Variants in F5 observed in about 807,000 individuals in gnomAD.
F5 encodes coagulation factor V.
A neutral mutation model predicts 216.4 loss-of-function variants in F5; 138 were observed. The ratio of observed to expected loss-of-function variants is 0.64; its 90% confidence interval spans 0.56 to 0.73. F5 has a LOEUF of 0.73. Ranked by LOEUF, F5 falls within the 30% of genes least tolerant of loss-of-function variation. The probability of loss-of-function intolerance (pLI) is 0.00; values close to 1 mark genes in which losing one functional copy is unlikely to be tolerated. For missense variants in F5, 2,403 were observed against 2,674.0 expected (o/e 0.90, Z 2.24); for synonymous variants, 916 against 930.7 (o/e 0.98, Z 0.29).
In F5 at chr1:169,527,967, C is replaced by A; in HGVS notation, c.5547G>T (p.Leu1849Phe). ...GGTGCTGTTTATTGCCATTTTCCAG[C>A]AAGGTCTGGCCGTGAAAGTGAACCA... ...IHVVHFHGQT[L>F]LENGNKQHQL... Residue 1849 changes from leucine (L) to phenylalanine (F), a missense_variant, in exon 17 of 25, where the codon TTG (leucine) becomes TTT (phenylalanine). This residue lies in a region of F5 where 659 missense variants were observed against 787.9 expected (regional missense o/e 0.84). Coordinates refer to ENST00000367797, the MANE Select transcript of F5 (RefSeq NM_000130.5). 1.9e-6 allele frequency: 3 copies of A among 1,613,788 alleles called. No homozygotes were observed. Among genetic ancestry groups the A allele is most frequent in the South Asian group, 1.1e-5 (1 of 91,080 alleles).
intron 1 of F5, among the ~76,000 whole-genome samples, chr1:169,585,889 G>C (rs1661092910): frequency 6.6e-6 from 1 of 152,084 alleles, no homozygotes; most frequent in Admixed American, 6.6e-5. Context: ...TTGCAGGAAG[G>C]GCTAATGAGG....
At position 169,552,548 on chromosome 1, in the gene F5, G is replaced by A. The variant is rs1312836214; in HGVS notation, c.1296+9C>T. 5 of 1,609,796 alleles carry A rather than the reference G, an allele frequency of 3.1e-6. No homozygotes were observed. The highest frequency in any genetic ancestry group is 1.7e-4 in the Middle Eastern group (1 of 5,976). ...ATTTCTCCCATGATTCTGTATTTGT[G>A]TTACTTACTTTGAGTGTGTCTCTGA... On this transcript the variant is annotated intron_variant, in intron 8 of 24. Transcript: ENST00000367797.
chr1:169,541,307 T>C lies in F5; in HGVS notation c.3783A>G (p.Glu1261=). ...CTGGAGAAAGGTTTGTCTGACTGAG[T>C]TCTGGAGAGAGGTTTGTCTGGCTGA... ...LDLSQTNLSP[E]LSQTNLSPAL... Residue 1261 remains glutamate, a synonymous_variant, in exon 13 of 25, where the codon GAA becomes GAG. Coordinates refer to ENST00000367797, the MANE Select transcript of F5 (RefSeq NM_000130.5). The C allele has an allele frequency of 4.5e-6, 7 of 1,572,036 alleles. No homozygotes were observed. Among genetic ancestry groups the C allele is most frequent in the Non-Finnish European group, 6.1e-6 (7 of 1,154,424 alleles).
rs1183686727 is a variant in F5 at position 169,524,915 on chromosome 1, A to G, written c.5717-7T>C. On this transcript the variant is annotated splice_polypyrimidine_tract_variant and splice_region_variant and intron_variant, in intron 18 of 24. Coordinates refer to ENST00000367797, the MANE Select transcript of F5 (RefSeq NM_000130.5). The stretch of plus-strand genomic sequence containing the variant: ...CCCATTGGCATCCTACAGTCTATGA[A>G]AAACAGAAAAAAAATGAATAATTTT... 1.9e-6 allele frequency: 3 copies of G among 1,608,714 alleles called. No homozygotes were observed. In the Admixed American group the frequency reaches 5.0e-5, roughly 27 times the overall value.
chr1:169,528,220 T>C (rs913488621), intron 16 of F5, 126 bp from the exon 17 acceptor site: 2 of 1,206,462 alleles, frequency 1.7e-6, no homozygotes, highest in Non-Finnish European at 2.4e-6. Flanking sequence ...CAGGCCTACC[T>C]AGCCATGGAA....
In F5 at chr1:169,542,749, T is replaced by C. The variant is rs926592242; in HGVS notation, c.2341A>G (p.Ser781Gly). 25 of 1,613,988 alleles carry C rather than the reference T, an allele frequency of 1.5e-5. No individual in the cohort carries two copies. The highest frequency in any genetic ancestry group is 2.2e-5 in the East Asian group (1 of 44,896). ...IIVGSNYSSP[S>G]NISKFTVNNL... ...TTGACAGTGAACTTACTAATATTAC[T>C]TGGGGAAGAATAATTTGAACCAACA... Residue 781 changes from serine (S) to glycine (G), a missense_variant, in exon 13 of 25, where the codon AGT (serine) becomes GGT (glycine). Around this residue, in one of 4 missense-constraint regions of F5, gnomAD observed 1,425 missense variants for 1,554.8 expected, o/e 0.92. Transcript: ENST00000367797.
chr1:169,520,557 A>C lies in F5; in HGVS notation c.6156T>G (p.Pro2052=). Residue 2052 remains proline, a synonymous_variant, in exon 22 of 25, where the codon CCT becomes CCG. Transcript: ENST00000367797. ...RISPTRAYNR[P]TLRLELQGCE... ...AACCTTGCAGTTCCAATCGAAGGGT[A>C]GGTCTGTTATAGGCTCGAGTTGGAG... The C allele has an allele frequency of 6.2e-7, 1 of 1,614,066 alleles. No homozygotes were observed. The highest frequency in any genetic ancestry group is 8.5e-7 in the Non-Finnish European group (1 of 1,179,954).
At position 169,514,276 on chromosome 1, in the gene F5, T is replaced by TA; in HGVS notation, c.*36dup. ...GCCCATTCTAAATGGTTTGAGGTCT[T>TA]AAAGAGTCTCTTCCAGGGGTTTTTG... is the stretch of plus-strand genomic sequence containing the variant. On this transcript the variant is annotated 3_prime_UTR_variant, in exon 25 of 25. Coordinates refer to ENST00000367797, the MANE Select transcript of F5 (RefSeq NM_000130.5). 1 of 1,609,072 alleles carries TA rather than the reference T, an allele frequency of 6.2e-7. No homozygotes were observed. Among genetic ancestry groups the TA allele is most frequent in the Non-Finnish European group, 8.5e-7 (1 of 1,175,876 alleles).
rs558628625 is a variant in F5 at position 169,513,992 on chromosome 1, G to C, written c.*321C>G. On this transcript the variant is annotated 3_prime_UTR_variant, in exon 25 of 25. Coordinates refer to ENST00000367797, the MANE Select transcript of F5 (RefSeq NM_000130.5). ...ACTAGTGTGTAAAGGATTTAAAAGAGTTATAATGAAGCATTTTAACTACAT... is the reference window on the plus strand; with the variant it reads ...ACTAGTGTGTAAAGGATTTAAAAGACTTATAATGAAGCATTTTAACTACAT... Among the ~76,000 whole-genome samples the C allele has an allele frequency of 6.6e-6, 1 of 152,228 alleles. No individual in the cohort carries two copies. Among genetic ancestry groups the C allele is most frequent in the Admixed American group, 6.5e-5 (1 of 15,272 alleles).
chr1:169,523,420 T>C, intron 20 of F5, 68 bp from the exon 21 acceptor site: 1 of 1,572,278 alleles, frequency 6.4e-7, no homozygotes, highest in Non-Finnish European at 8.7e-7. Context: ...CTAAATTCAT[T>C]ATACAATCAG....
At position 169,551,761 on chromosome 1, in the gene F5, C is replaced by T. The variant is rs925521494; in HGVS notation, c.1296+796G>A. ...ATCCTTTGTCTGTAGATTAACTACA[C>T]TCTAGGATTTTGTCAAAGATTGCAA... is the stretch of plus-strand genomic sequence containing the variant. On this transcript the variant is annotated intron_variant, in intron 8 of 24. Coordinates refer to ENST00000367797, the MANE Select transcript of F5 (RefSeq NM_000130.5). 6.6e-5 allele frequency among the ~76,000 whole-genome samples: 10 copies of T among 152,300 alleles called. No homozygotes were observed. The South Asian group carries it at 1.0e-3, about 16-fold the overall frequency.
Position 169,541,852 on chromosome 1 carries a change from T to C in F5, c.3238A>G (p.Thr1080Ala). 1 of 1,614,140 alleles carries C rather than the reference T, an allele frequency of 6.2e-7. No homozygotes were observed. The highest frequency in any genetic ancestry group is 8.5e-7 in the Non-Finnish European group (1 of 1,179,990). The change falls in exon 13 of 25, where the codon ACA becomes GCA. Residue 1080 changes from threonine (T) to alanine (A), a missense_variant. Transcript: ENST00000367797. ...LHKSNETSLPTDLNQTLPSMD... is the reference protein window; with the variant it reads ...LHKSNETSLPADLNQTLPSMD... The stretch of plus-strand genomic sequence containing the variant: ...GAGGGCAATGTCTGATTGAGGTCTG[T>C]GGGAAGAGATGTTTCATTGGATTTA...
At chr1:169,574,577 T>A (rs1381370011) in intron 2 of F5, among the ~76,000 whole-genome samples, 1 of 152,230 alleles carries the variant, frequency 6.6e-6, no homozygotes, top group Non-Finnish European at 1.5e-5. Context: ...TTTGCAGTGG[T>A]GATGATAATC....
chr1:169,586,329 C>G lies in F5; in HGVS notation c.58G>C (p.Gly20Arg). Residue 20 changes from glycine to arginine, a missense_variant, in exon 1 of 25, where the codon GGC becomes CGC. Physicochemically the swap from Gly to Arg is moderately radical, Grantham distance 125. Transcript: ENST00000367797. ...VLVVLGTSWV[G>R]WGSQGTEAAQ... ...GCTTCTGTCCCTTGGCTCCCCCAGCCTACCCAGCTGGTGCCCAAGACCACC... is the reference window on the plus strand; with the variant it reads ...GCTTCTGTCCCTTGGCTCCCCCAGCGTACCCAGCTGGTGCCCAAGACCACC... 1.2e-6 allele frequency: 2 copies of G among 1,614,108 alleles called. No homozygotes were observed. Among genetic ancestry groups the G allele is most frequent in the African/African-American group, 1.3e-5 (1 of 75,054 alleles).
intron 9 of F5, 149 bp from the exon 10 acceptor site, chr1:169,550,164 G>A (rs1660129038): frequency 3.0e-6 from 2 of 677,254 alleles, no homozygotes; most frequent in Non-Finnish European, 2.5e-6. Context: ...AAGTTCTAGG[G>A]TACATGTGCA....
chr1:169,527,646 C>G (rs753387541), intron 17 of F5, among the ~76,000 whole-genome samples: 6 of 152,116 alleles, frequency 3.9e-5, no homozygotes, highest in Non-Finnish European at 7.4e-5. Context: ...GTATGACACA[C>G]AGTGGCTTGG....
chr1:169,578,749 A>T (rs1336804594), intron 2 of F5, among the ~76,000 whole-genome samples: 6 of 152,112 alleles, frequency 3.9e-5, no homozygotes, highest in African/African-American at 1.4e-4. Context: ...ACATCCTTCA[A>T]CTTCCTACTC....
At chr1:169,531,621 A>G (rs1659597810) in intron 14 of F5, among the ~76,000 whole-genome samples, 1 of 152,120 alleles carries the variant, frequency 6.6e-6, no homozygotes, top group Non-Finnish European at 1.5e-5. Context: ...AGTTTGGGGA[A>G]TAGCAAGGAT....
intron 10 of F5, among the ~76,000 whole-genome samples, chr1:169,549,426 A>T (rs1310124350): frequency 1.3e-5 from 2 of 152,230 alleles, no homozygotes; most frequent in Non-Finnish European, 2.9e-5. Context: ...CTTTTACCAG[A>T]TGGTATCTCA....
Sources: allele counts gnomAD v4.1 joint callset (sites outside exome capture counted in the v4.1 genomes callset), GRCh38; gene constraint gnomAD v4.1.1; regional missense constraint gnomAD v4.1.1; transcripts MANE v1.5; gene names NCBI Gene and HGNC (gene_info 2026-07-23, HGNC 2026-07-21).